The following PODN variants were observed in gnomAD, a reference collection of about 807,000 sequenced individuals.
PODN encodes the protein podocan.
PODN carries 40 observed loss-of-function variants against 52.7 expected under a neutral mutation model. The ratio of observed to expected loss-of-function variants is 0.76; its 90% CI spans 0.59 to 0.99. The LOEUF (loss-of-function observed/expected upper bound fraction) is 0.99. Among genes scored for constraint, PODN ranks in the 50% least tolerant of loss-of-function variants. PODN has a pLI of 0.00. For synonymous variants in PODN, 396 were observed against 377.9 expected (o/e 1.05, Z -0.56); for missense variants, 720 against 815.1 (o/e 0.88, Z 1.42).
intron 9 of PODN, 97 bp downstream of exon 9, chr1:53,080,973 C>A: frequency 6.8e-7 from 1 of 1,477,936 alleles, no homozygotes; most frequent in Non-Finnish European, 9.2e-7. Context: ...GGCTCCACTG[C>A]TGCCTGTGTA....
At chr1:53,076,351 A>G (rs1207206344) in intron 5 of PODN, among the ~76,000 whole-genome samples, 1 of 152,198 alleles carries the variant, frequency 6.6e-6, no homozygotes, top group Non-Finnish European at 1.5e-5. Context: ...AGCCGCCTCC[A>G]GGACAGTTTG....
intron 1 of PODN, chr1:53,063,531 G>A: frequency 2.0e-6 from 2 of 985,598 alleles, no homozygotes; most frequent in Non-Finnish European, 2.4e-6. Context: ...AAGGAGGCCG[G>A]CTGATCTGCA....
At chr1:53,081,934 C>T (rs1644301509) in intron 9 of PODN, 47 bp from the exon 10 acceptor site, 2 of 1,551,078 alleles carry the variant, frequency 1.3e-6, no homozygotes, top group African/African-American at 2.7e-5. Context: ...AGGGAGGGTT[C>T]CTTGGGGGTT....
chr1:53,082,879 ATG>A (rs1197932316), intron 10 of PODN, among the ~76,000 whole-genome samples: 1 of 152,048 alleles, frequency 6.6e-6, no homozygotes, highest in Non-Finnish European at 1.5e-5. Flanking sequence ...GTGTACATGC[ATG>A]TGAGTACATG....
chr1:53,063,712 G>A (rs956977389), intron 1 of PODN, among the ~76,000 whole-genome samples: 1 of 152,208 alleles, frequency 6.6e-6, no homozygotes, highest in Non-Finnish European at 1.5e-5. Context: ...TCACACGACT[G>A]TTTTCATGTC....
In PODN at chr1:53,082,049, T is replaced by C; in HGVS notation, c.1730T>C (p.Leu577Ser). The C allele has an allele frequency of 6.2e-7, 1 of 1,613,864 alleles. No individual in the cohort carries two copies. Among genetic ancestry groups the C allele is most frequent in the Non-Finnish European group, 8.5e-7 (1 of 1,179,930 alleles). The change falls in exon 10 of 11, where the codon TTG (leucine) becomes TCG (serine). Residue 577 changes from leucine (L) to serine (S), a missense_variant. By Grantham distance (145) the Leu-to-Ser change is moderately radical. Transcript: ENST00000312553. The part of the protein sequence containing the change: ...AFRRLKHLQV[L>S]DIEGNLEFGD... Reference sequence around the variant, plus strand: ...CGGAGGCTGAAGCACCTGCAGGTCTTGGACATTGAAGGCAACTTAGAGTTT... The same window carrying C: ...CGGAGGCTGAAGCACCTGCAGGTCTCGGACATTGAAGGCAACTTAGAGTTT...
intron 8 of PODN, among the ~76,000 whole-genome samples, chr1:53,079,415 G>T (rs546463217): frequency 6.6e-6 from 1 of 152,180 alleles, no homozygotes; most frequent in Non-Finnish European, 1.5e-5. Context: ...CAGGAGGACC[G>T]GGGGCCAGTT....
At chr1:53,079,301 A>G (rs956613767) in intron 8 of PODN, among the ~76,000 whole-genome samples, 1 of 152,200 alleles carries the variant, frequency 6.6e-6, no homozygotes, top group African/African-American at 2.4e-5. Context: ...TGAGGGGCAG[A>G]GTACAGGTGG....
chr1:53,075,013 G>T (rs1283172260), intron 4 of PODN, among the ~76,000 whole-genome samples: 1 of 152,154 alleles, frequency 6.6e-6, no homozygotes, highest in Non-Finnish European at 1.5e-5. Flanking sequence ...AGGGGCCCCA[G>T]GGTGGGGGGC....
Position 53,078,665 on chromosome 1 carries a change from C to T in PODN, c.1155C>T (p.Leu385=), listed in dbSNP as rs768717627. ...GCCTGCCTCGCCGCGTGCGCACCCT[C>T]ATGATCCTGCACAACCAGATCACAG... ...PSGLPRRVRT[L]MILHNQITGI... The change falls in exon 8 of 11, where the codon CTC becomes CTT. Residue 385 remains leucine (L), a synonymous_variant. Transcript: ENST00000312553. 20 of 1,613,218 alleles carry T rather than the reference C, an allele frequency of 1.2e-5. No homozygotes were observed. The highest frequency in any genetic ancestry group is 6.7e-5 in the East Asian group (3 of 44,882).
At chr1:53,071,048 G>A (rs1242495380) in intron 2 of PODN, 3 of 154,890 alleles carry the variant, frequency 1.9e-5, no homozygotes, top group African/African-American at 4.8e-5. Context: ...GAAGGACTGT[G>A]TGTGGGGCCC....
chr1:53,084,574 T>C lies in PODN; in HGVS notation c.*89T>C, dbSNP rs1448056555. On this transcript the variant is annotated 3_prime_UTR_variant, in exon 11 of 11. Transcript: ENST00000312553. ...CCTGTGTGCTGTGAGCCCCCCACTC[T>C]GCCGTGCTCACACAGACACACCCAG... is the stretch of plus-strand genomic sequence containing the variant. 1 of 152,430 alleles carries C rather than the reference T, an allele frequency of 6.6e-6. No homozygotes were observed. Among genetic ancestry groups the C allele is most frequent in the East Asian group, 1.9e-4 (1 of 5,194 alleles). 9.4% of individuals were successfully genotyped at this position (152,430 alleles called of 1,614,324 possible). A position where few individuals can be genotyped will look rare whatever the true frequency, so the allele number is the denominator to read the frequency against.
At position 53,077,234 on chromosome 1, in the gene PODN, C is replaced by T. The variant is rs187017100; in HGVS notation, c.626C>T (p.Pro209Leu). ...HNNKLADAGL[P>L]DNMFNGSSNV... The stretch of plus-strand genomic sequence containing the variant: ...AACAAGCTGGCAGACGCCGGGCTGC[C>T]GGACAACATGTTCAACGGCTCCAGC... Residue 209 changes from proline (P) to leucine (L), a missense_variant, in exon 6 of 11, where the codon CCG (proline) becomes CTG (leucine). Coordinates refer to ENST00000312553, the MANE Select transcript of PODN (RefSeq NM_153703.5). 11 of 1,613,480 alleles carry T rather than the reference C, an allele frequency of 6.8e-6. No homozygotes were observed. Among genetic ancestry groups the T allele is most frequent in the Admixed American group, 3.3e-5 (2 of 60,026 alleles).
chr1:53,068,178 G>A (rs1412844013), intron 1 of PODN, among the ~76,000 whole-genome samples: 2 of 152,332 alleles, frequency 1.3e-5, no homozygotes, highest in East Asian at 3.9e-4. Context: ...GAAAGCTGAG[G>A]TTTAGATGAT....
In PODN at chr1:53,077,347, G is replaced by T. The variant is rs779534930; in HGVS notation, c.738+1G>T. The T allele has an allele frequency of 1.2e-6, 2 of 1,612,840 alleles. No individual in the cohort carries two copies. Among genetic ancestry groups the T allele is most frequent in the Admixed American group, 3.3e-5 (2 of 59,996 alleles). ...TGCCCTGTACAAGCTGCACCTCAAG[G>T]TGGGCAGGGGAGGGGTAAGGAGGGG... On this transcript the variant is annotated splice_donor_variant, in intron 6 of 10. Transcript: ENST00000312553. LOFTEE classifies it high-confidence loss of function.
chr1:53,064,584 C>T (rs145215277), intron 1 of PODN, among the ~76,000 whole-genome samples: 1 of 152,148 alleles, frequency 6.6e-6, no homozygotes, highest in South Asian at 2.1e-4. Context: ...ATTTGGGGCT[C>T]CCTTTCCCTT....
chr1:53,065,529 T>C (rs78808793), intron 1 of PODN, among the ~76,000 whole-genome samples: 23,932 of 152,078 alleles, frequency 0.16, 2,878 homozygotes, highest in East Asian at 0.38. Context: ...TCTTACCTCT[T>C]CCTCCATTCC....
Position 53,078,881 on chromosome 1 carries a change from G to A in PODN, c.1371G>A (p.Lys457=). The change falls in exon 8 of 11, where the codon AAG becomes AAA. Residue 457 remains lysine (K), a synonymous_variant. Coordinates refer to ENST00000312553, the MANE Select transcript of PODN (RefSeq NM_153703.5). ...TGCCTCGAAATGTCCATGTGCTGAA[G>A]GTCAAGCGCAATGAGCTGGCTGCCT... ...PGLPRNVHVL[K]VKRNELAALA... 6.2e-7 allele frequency: 1 copy of A among 1,612,032 alleles called. No individual in the cohort carries two copies. The highest frequency in any genetic ancestry group is 8.5e-7 in the Non-Finnish European group (1 of 1,179,386).
chr1:53,067,969 A>G (rs1054059096), intron 1 of PODN, among the ~76,000 whole-genome samples: 17 of 151,426 alleles, frequency 1.1e-4, no homozygotes, highest in African/African-American at 3.7e-4. Flanking sequence ...AGACAAGGGA[A>G]GGAAAAGGAG....
Sources: allele counts gnomAD v4.1 joint callset (sites outside exome capture counted in the v4.1 genomes callset), GRCh38; gene constraint gnomAD v4.1.1; transcripts MANE v1.5; gene names NCBI Gene and HGNC (gene_info 2026-07-23, HGNC 2026-07-21).